The following ARPP21 variants were observed in gnomAD, a reference collection of about 807,000 sequenced individuals.
ARPP21 encodes cAMP regulated phosphoprotein 21, also known as cAMP-regulated phosphoprotein 21.
Under a neutral mutation model 113.2 loss-of-function variants are expected in ARPP21, and 69 were observed. The ratio of observed to expected loss-of-function variants is 0.61; its 90% CI spans 0.50 to 0.74. The LOEUF (loss-of-function observed/expected upper bound fraction) is 0.74, where lower values mean the gene tolerates loss of function less well. Ranked by LOEUF, ARPP21 falls within the 30% of genes least tolerant of loss-of-function variation. ARPP21 has a pLI of 0.00. For synonymous variants in ARPP21, 368 were observed against 375.5 expected (o/e 0.98, Z 0.23); for missense variants, 1,070 against 1,037.4 (o/e 1.03, Z -0.43).
Position 35,708,964 on chromosome 3 carries a change from T to C in ARPP21, c.796-5T>C. The C allele has an allele frequency of 6.2e-7, 1 of 1,608,998 alleles. No homozygotes were observed. The stretch of plus-strand genomic sequence containing the variant: ...TAACCCTCCTGATTTCTTTTTTCTG[T>C]TCAGCAAAACAGAATGCATCCATTT... On this transcript the variant is annotated splice_region_variant and splice_polypyrimidine_tract_variant and intron_variant, in intron 10 of 20. Coordinates refer to ENST00000684406, the MANE Select transcript of ARPP21 (RefSeq NM_001385562.1).
At chr3:35,717,435 G>T in intron 13 of ARPP21, 78 bp downstream of exon 13, 1 of 880,798 alleles carries the variant, frequency 1.1e-6, no homozygotes, top group Non-Finnish European at 1.9e-6. Flanking sequence ...TAGTGTACTC[G>T]TGTAAAATAT....
chr3:35,770,200 G>C (rs2096148048), intron 19 of ARPP21, among the ~76,000 whole-genome samples: 1 of 152,166 alleles, frequency 6.6e-6, no homozygotes, highest in Admixed American at 6.5e-5. Flanking sequence ...CCCAAACTAT[G>C]CTTCTAAATT....
intron 1 of ARPP21, among the ~76,000 whole-genome samples, chr3:35,647,117 G>A (rs1033986942): frequency 6.6e-6 from 1 of 152,130 alleles, no homozygotes; most frequent in Non-Finnish European, 1.5e-5. Context: ...ACAACTGAAT[G>A]CCTTAATCTT....
chr3:35,737,343 C>T lies in ARPP21; in HGVS notation c.1625C>T (p.Ala542Val). Residue 542 changes from alanine (A) to valine (V), a missense_variant, in exon 16 of 21, where the codon GCA becomes GTA. Transcript: ENST00000684406. ...GTCCAGCCACCGCAGCCACAGATGG[C>T]AGGCCCTCTGGTCACTCAGGTAGGG... is the stretch of plus-strand genomic sequence containing the variant. ...QQVQPPQPQM[A>V]GPLVTQSVQG... is the part of the protein sequence containing the mutation. 1 of 1,610,200 alleles carries T rather than the reference C, an allele frequency of 6.2e-7. No individual in the cohort carries two copies. The highest frequency in any genetic ancestry group is 8.5e-7 in the Non-Finnish European group (1 of 1,177,696).
chr3:35,656,444 C>T (rs2149071697), intron 1 of ARPP21, among the ~76,000 whole-genome samples: 1 of 152,184 alleles, frequency 6.6e-6, no homozygotes, highest in African/African-American at 2.4e-5. Context: ...GGTGGATAAA[C>T]TGCAGTACAT....
At chr3:35,673,662 A>G (rs1193959241) in intron 1 of ARPP21, among the ~76,000 whole-genome samples, 1 of 152,054 alleles carries the variant, frequency 6.6e-6, no homozygotes, top group African/African-American at 2.4e-5. Flanking sequence ...AGACAAAATA[A>G]CAACTTAGCA....
At chr3:35,660,161 A>G (rs1707033124) in intron 1 of ARPP21, among the ~76,000 whole-genome samples, 1 of 152,194 alleles carries the variant, frequency 6.6e-6, no homozygotes, top group African/African-American at 2.4e-5. Context: ...TTAATAAATA[A>G]TCATGAGGTA....
At chr3:35,792,295 C>G (rs910499855) in intron 19 of ARPP21, 87 bp from the exon 20 acceptor site, 2 of 1,138,312 alleles carry the variant, frequency 1.8e-6, no homozygotes, top group African/African-American at 3.1e-5. Context: ...TGTCTGAAGG[C>G]TGCCTTTTGA....
chr3:35,689,958 A>T, intron 7 of ARPP21, 123 bp from the exon 8 acceptor site: 1 of 596,096 alleles, frequency 1.7e-6, no homozygotes, highest in Non-Finnish European at 3.0e-6. Flanking sequence ...TCCAAAGAAG[A>T]GTTAGGTATA....
intron 1 of ARPP21, among the ~76,000 whole-genome samples, chr3:35,643,057 A>G (rs1427047528): frequency 6.6e-6 from 1 of 152,158 alleles, no homozygotes; most frequent in African/African-American, 2.4e-5. Context: ...TGTCTGCAAC[A>G]TTTGTATATA....
intron 14 of ARPP21, among the ~76,000 whole-genome samples, chr3:35,728,307 CT>C: frequency 6.7e-6 from 1 of 149,490 alleles, no homozygotes; most frequent in East Asian, 2.0e-4. Flanking sequence ...CAACCTCCAC[CT>C]CCCAGGTTCA....
At chr3:35,773,800 T>C (rs1315123249) in intron 19 of ARPP21, among the ~76,000 whole-genome samples, 3 of 152,188 alleles carry the variant, frequency 2.0e-5, no homozygotes, top group Admixed American at 1.3e-4. Context: ...TATGTGTTTT[T>C]TTAGTTAGTT....
chr3:35,727,642 CATA>C (rs2093633237), intron 14 of ARPP21, among the ~76,000 whole-genome samples: 1 of 152,188 alleles, frequency 6.6e-6, no homozygotes, highest in Middle Eastern at 3.4e-3. Context: ...TTTTTAATAA[CATA>C]ATCAATAGTG....
At chr3:35,667,914 G>GGA (rs1559548381) in intron 1 of ARPP21, among the ~76,000 whole-genome samples, 18,501 of 40,690 alleles carry the variant, frequency 0.45, 3,297 homozygotes, top group African/African-American at 0.57. Flanking sequence ...GAAGAGGAAG[G>GGA]AGGAGGAGGA....
chr3:35,784,259 G>A (rs561703766), intron 19 of ARPP21, among the ~76,000 whole-genome samples: 1 of 152,302 alleles, frequency 6.6e-6, no homozygotes, highest in African/African-American at 2.4e-5. Context: ...TTGAATATTA[G>A]GTCATTAGCA....
chr3:35,761,126 A>G (rs2095758635), intron 19 of ARPP21, among the ~76,000 whole-genome samples: 1 of 152,080 alleles, frequency 6.6e-6, no homozygotes, highest in African/African-American at 2.4e-5. Flanking sequence ...TTTCTTCTCT[A>G]TGTTCAAAGG....
intron 14 of ARPP21, among the ~76,000 whole-genome samples, chr3:35,727,132 T>A (rs929112693): frequency 1.3e-5 from 2 of 152,238 alleles, no homozygotes; most frequent in African/African-American, 4.8e-5. Context: ...TGGAGCATCC[T>A]GAATTGACAT....
chr3:35,782,897 G>T (rs1422741635), intron 19 of ARPP21, among the ~76,000 whole-genome samples: 1 of 152,114 alleles, frequency 6.6e-6, no homozygotes, highest in Non-Finnish European at 1.5e-5. Flanking sequence ...GCTTCTCAAA[G>T]GAATTCTTTT....
chr3:35,655,940 C>T (rs1000199723), intron 1 of ARPP21, among the ~76,000 whole-genome samples: 1 of 151,882 alleles, frequency 6.6e-6, no homozygotes, highest in South Asian at 2.1e-4. Flanking sequence ...AGTACATGAA[C>T]CAGAATTTGA....
Sources: gnomAD v4.1 joint callset for allele counts (sites outside exome capture counted in the v4.1 genomes callset) on GRCh38, gnomAD v4.1.1 for gene constraint, MANE v1.5 for transcripts, NCBI Gene and HGNC (gene_info 2026-07-23, HGNC 2026-07-21) for gene names.